GPC5: variants seen among roughly 807,000 people sequenced by gnomAD.
GPC5 encodes the protein glypican-5.
A neutral mutation model predicts 53.9 loss-of-function variants in GPC5; 47 were observed. That is an observed-to-expected ratio of 0.87 (90% CI 0.69 to 1.11). The LOEUF is 1.11. Ranked by LOEUF, GPC5 falls within the 50% of genes most tolerant of loss-of-function variation. The pLI is 0.00. For synonymous variants in GPC5, 286 were observed against 263.3 expected (o/e 1.09, Z -0.84); for missense variants, 748 against 713.1 (o/e 1.05, Z -0.56).
At position 92,621,645 on chromosome 13, in the gene GPC5, C is replaced by T. The variant is rs115297700; in HGVS notation, c.1562-244637C>T. 2.5e-3 allele frequency among the ~76,000 whole-genome samples: 383 copies of T among 152,106 alleles called. 4 individuals are homozygous for T. The highest frequency in any genetic ancestry group is 9.1e-3 in the African/African-American group (377 of 41,506). ...GACCAGCCTGGCCAACATGGTGGAA[C>T]CCCTGTCTCTACTAAAATTCCCAAA... On this transcript the variant is annotated intron_variant, in intron 7 of 7. Transcript: ENST00000377067.
chr13:92,046,970 G>A (rs1009201893), intron 6 of GPC5, among the ~76,000 whole-genome samples: 1 of 151,992 alleles, frequency 6.6e-6, no homozygotes, highest in Non-Finnish European at 1.5e-5. Context: ...GCACTTTTGG[G>A]GTCTATTCTT....
At chr13:92,486,614 A>C (rs1167140448) in intron 7 of GPC5, among the ~76,000 whole-genome samples, 1 of 152,194 alleles carries the variant, frequency 6.6e-6, no homozygotes, top group African/African-American at 2.4e-5. Context: ...TCTTTTTGAC[A>C]ATTTGGAGGT....
chr13:91,639,273 C>A (rs73607962), intron 2 of GPC5, among the ~76,000 whole-genome samples: 1 of 152,204 alleles, frequency 6.6e-6, no homozygotes, highest in African/African-American at 2.4e-5. Flanking sequence ...AAAAAAATAG[C>A]AGTGTGAAGC....
At chr13:91,605,219 C>CCCATTGCTT (rs1447763858) in intron 2 of GPC5, among the ~76,000 whole-genome samples, 3 of 131,454 alleles carry the variant, frequency 2.3e-5, no homozygotes, top group Non-Finnish European at 4.8e-5. Flanking sequence ...GAATCCTTTC[C>CCCATTGCTT]CCATTGCTTG....
intron 7 of GPC5, among the ~76,000 whole-genome samples, chr13:92,149,240 A>G (rs945665851): frequency 6.6e-6 from 1 of 152,068 alleles, no homozygotes; most frequent in African/African-American, 2.4e-5. Context: ...TCTATTGACA[A>G]CTAGCCCTTT....
chr13:92,610,814 C>T (rs1239831650), intron 7 of GPC5, among the ~76,000 whole-genome samples: 5 of 151,880 alleles, frequency 3.3e-5, no homozygotes, highest in Non-Finnish European at 7.4e-5. Flanking sequence ...GAAAACCATC[C>T]GATTTCATGG....
At chr13:92,048,252 T>C (rs972378218) in intron 6 of GPC5, among the ~76,000 whole-genome samples, 15 of 150,360 alleles carry the variant, frequency 1.0e-4, no homozygotes, top group African/African-American at 3.2e-4. Flanking sequence ...TAGTGTATGT[T>C]ATTCATACAA....
chr13:92,429,371 G>A lies in GPC5; in HGVS notation c.1561+284382G>A, dbSNP rs57885249. ...CACACCTTCCTATGACTACTCAGGC[G>A]CAGAAAAATGGAAATAATAATAATA... On this transcript the variant is annotated intron_variant, in intron 7 of 7. Transcript: ENST00000377067. 8.4e-3 allele frequency among the ~76,000 whole-genome samples: 1,276 copies of A among 151,596 alleles called. 16 individuals carry two copies. The highest frequency in any genetic ancestry group is 0.021 in the African/African-American group (880 of 41,398).
intron 1 of GPC5, among the ~76,000 whole-genome samples, chr13:91,401,272 A>AAC (rs1480833902): frequency 6.6e-6 from 1 of 151,890 alleles, no homozygotes; most frequent in Non-Finnish European, 1.5e-5. Context: ...AACTTTTTTA[A>AAC]ACACTGATTC....
intron 6 of GPC5, among the ~76,000 whole-genome samples, chr13:92,091,783 A>G (rs1008906704): frequency 9.2e-5 from 14 of 151,686 alleles, no homozygotes; most frequent in Non-Finnish European, 1.8e-4. Flanking sequence ...AAAAAAAACA[A>G]TGTGAAAGCA....
In GPC5 at chr13:91,959,192, A is replaced by G. The variant is rs138187724; in HGVS notation, c.1401+51135A>G. ...ATTAACCAATAAAAAAAAGACACAA[A>G]TAAACAAAATCAAAAATGAAATGGG... On this transcript the variant is annotated intron_variant, in intron 6 of 7. Transcript: ENST00000377067. Among the ~76,000 whole-genome samples, 752 of 152,078 alleles carry G rather than the reference A, an allele frequency of 4.9e-3. 7 individuals are homozygous for G. The highest frequency in any genetic ancestry group is 0.017 in the African/African-American group (697 of 41,516).
chr13:91,664,518 G>A (rs1464765640), intron 2 of GPC5, among the ~76,000 whole-genome samples: 2 of 152,152 alleles, frequency 1.3e-5, no homozygotes, highest in Non-Finnish European at 2.9e-5. Flanking sequence ...ACTGCTCTTA[G>A]AGGCAAATTG....
chr13:92,296,352 G>T (rs573601942), intron 7 of GPC5, among the ~76,000 whole-genome samples: 1 of 152,210 alleles, frequency 6.6e-6, no homozygotes, highest in African/African-American at 2.4e-5. Context: ...TACTAGGGTG[G>T]GTAGGGAAGG....
intron 6 of GPC5, among the ~76,000 whole-genome samples, chr13:92,126,975 A>G (rs2041703182): frequency 6.6e-6 from 1 of 152,198 alleles, no homozygotes; most frequent in Non-Finnish European, 1.5e-5. Context: ...TTTTGGAGGA[A>G]TATGCTTTTC....
intron 7 of GPC5, among the ~76,000 whole-genome samples, chr13:92,596,544 G>A (rs1883887277): frequency 6.6e-6 from 1 of 151,976 alleles, no homozygotes; most frequent in South Asian, 2.1e-4. Flanking sequence ...CACAATGTTG[G>A]CTCACTGCAA....
At chr13:91,666,088 T>G (rs1306663534) in intron 2 of GPC5, among the ~76,000 whole-genome samples, 1 of 152,224 alleles carries the variant, frequency 6.6e-6, no homozygotes, top group Non-Finnish European at 1.5e-5. Flanking sequence ...GTCTTCATAT[T>G]TGGTTCTGTA....
intron 2 of GPC5, among the ~76,000 whole-genome samples, chr13:91,555,403 G>T (rs1031663333): frequency 2.6e-5 from 4 of 151,964 alleles, no homozygotes; most frequent in Non-Finnish European, 5.9e-5. Context: ...AGAGCATCTG[G>T]TACATGACTA....
chr13:92,691,767 TA>T (rs1887408202), intron 7 of GPC5, among the ~76,000 whole-genome samples: 1 of 151,808 alleles, frequency 6.6e-6, no homozygotes, highest in African/African-American at 2.4e-5. Flanking sequence ...TAGATGGTTT[TA>T]GGGTTTTTTT....
At chr13:91,741,627 TA>T (rs1056336364) in intron 4 of GPC5, among the ~76,000 whole-genome samples, 2 of 152,238 alleles carry the variant, frequency 1.3e-5, no homozygotes, top group Admixed American at 6.5e-5. Flanking sequence ...GAGTTTATAA[TA>T]AAAAAACATA....
Sources: gnomAD v4.1 joint callset for allele counts (sites outside exome capture counted in the v4.1 genomes callset) on GRCh38, gnomAD v4.1.1 for gene constraint, MANE v1.5 for transcripts, NCBI Gene and HGNC (gene_info 2026-07-23, HGNC 2026-07-21) for gene names.